The following OPRL1 variants were observed in gnomAD, a reference collection of about 807,000 sequenced individuals.
OPRL1 encodes nociceptin receptor.
In OPRL1, 5 loss-of-function variants were observed where a neutral mutation model predicts 15.5. The observed-to-expected ratio is 0.32, with a 90% CI of 0.17 to 0.68. The LOEUF (loss-of-function observed/expected upper bound fraction) is 0.68, where lower values mean the gene tolerates loss of function less well. Ranked by LOEUF, OPRL1 falls within the 30% of genes least tolerant of loss-of-function variation. The pLI, the probability that OPRL1 is intolerant of heterozygous loss-of-function variation, is 0.72. For synonymous variants in OPRL1, 223 were observed against 230.2 expected, an observed-to-expected ratio of 0.97 and a Z score of 0.28; for missense variants, 406 against 515.3, an observed-to-expected ratio of 0.79 and a Z score of 2.05.
In OPRL1 at chr20:64,098,373, C is replaced by T. The variant is rs781489806; in HGVS notation, c.687C>T (p.Leu229=). The change falls in exon 5 of 5, where the codon CTC becomes CTT. Residue 229 remains leucine (L), a synonymous_variant. Transcript: ENST00000336866. ...IFLFSFIVPV[L]VISVCYSLMI... ...TCTTCTCCTTCATCGTCCCCGTGCT[C>T]GTCATCTCTGTCTGCTACAGCCTCA... 4.0e-5 allele frequency: 65 copies of T among 1,613,758 alleles called. No homozygotes were observed. Among genetic ancestry groups the T allele is most frequent in the Non-Finnish European group, 5.1e-5 (60 of 1,180,034 alleles).
At chr20:64,084,107 T>C (rs1262915320) in intron 1 of OPRL1, 9 of 1,474,422 alleles carry the variant, frequency 6.1e-6, no homozygotes, top group Non-Finnish European at 8.0e-6. Flanking sequence ...CTTGGGGGGC[T>C]CTGTCGCGGG....
intron 3 of OPRL1, among the ~76,000 whole-genome samples, chr20:64,096,692 C>T (rs1406375419): frequency 2.0e-5 from 3 of 151,998 alleles, no homozygotes; most frequent in Non-Finnish European, 2.9e-5. Flanking sequence ...ATCGCCGCCA[C>T]CATCATCATC....
chr20:64,085,263 G>C (rs553276624), intron 1 of OPRL1: 1 of 152,368 alleles, frequency 6.6e-6, no homozygotes, highest in African/African-American at 2.4e-5. Context: ...CGGCTATGAG[G>C]AGACCTTTGT....
Position 64,092,738 on chromosome 20 carries a change from C to T in OPRL1, c.18C>T (p.Pro6=), listed in dbSNP as rs371386684. Residue 6 remains proline, a synonymous_variant, in exon 3 of 5, where the codon CCC becomes CCT. Coordinates refer to ENST00000336866, the MANE Select transcript of OPRL1 (RefSeq NM_182647.4). ...GCAGTGGCATGGAGCCCCTCTTCCCCGCGCCGTTCTGGGAGGTTATCTACG... is the reference window on the plus strand; with the variant it reads ...GCAGTGGCATGGAGCCCCTCTTCCCTGCGCCGTTCTGGGAGGTTATCTACG... MEPLF[P]APFWEVIYGS... The T allele has an allele frequency of 4.1e-5, 66 of 1,612,402 alleles. No homozygotes were observed. The highest frequency in any genetic ancestry group is 3.3e-4 in the African/African-American group (25 of 75,004).
chr20:64,088,930 AAG>A (rs2060092289), intron 1 of OPRL1, among the ~76,000 whole-genome samples: 1 of 100,026 alleles, frequency 1.0e-5, no homozygotes, highest in Non-Finnish European at 2.3e-5. Flanking sequence ...GGATCTGTGC[AAG>A]GGGTAGGATC....
chr20:64,098,010 C>G lies in OPRL1; in HGVS notation c.442C>G (p.Arg148Gly). The change falls in exon 4 of 5, where the codon CGC (arginine) becomes GGC (glycine). Residue 148 changes from arginine (R) to glycine (G), a missense_variant. Transcript: ENST00000336866. ...CACCCTAACTGCCATGAGTGTGGAT[C>G]GCTATGTAGCCATCTGCCACCCCAT... is the stretch of plus-strand genomic sequence containing the variant. ...TFTLTAMSVD[R>G]YVAICHPIRA... The G allele has an allele frequency of 6.2e-7, 1 of 1,613,606 alleles. No individual in the cohort carries two copies. Among genetic ancestry groups the G allele is most frequent in the South Asian group, 1.1e-5 (1 of 91,086 alleles).
At chr20:64,093,118 T>C (rs1158774399) in intron 3 of OPRL1, among the ~76,000 whole-genome samples, 165 bp downstream of exon 3, 1 of 151,334 alleles carries the variant, frequency 6.6e-6, no homozygotes, top group South Asian at 2.1e-4. Flanking sequence ...CCTGAGGCCC[T>C]GGGTGCTCCC....
Position 64,083,424 on chromosome 20 carries a change from C to T in OPRL1, c.-185+3072C>T, listed in dbSNP as rs138907471. ...GGGAGGCTGGGGCGCGTCGCACACTCTCAGTCGCCGTCACCGCGGGAAGAT... is the reference window on the plus strand; with the variant it reads ...GGGAGGCTGGGGCGCGTCGCACACTTTCAGTCGCCGTCACCGCGGGAAGAT... On this transcript the variant is annotated intron_variant, in intron 1 of 4. Coordinates refer to ENST00000336866, the MANE Select transcript of OPRL1 (RefSeq NM_182647.4). This position sits in a 1 kb window ranked among gnomAD's most constrained non-coding sequence, Gnocchi z 4.9. 12 of 1,611,876 alleles carry T rather than the reference C, an allele frequency of 7.4e-6. No individual in the cohort carries two copies. The highest frequency in any genetic ancestry group is 1.0e-5 in the Non-Finnish European group (12 of 1,179,620).
In OPRL1 at chr20:64,090,475, C is replaced by T. The variant is rs999954910; in HGVS notation, c.-184-1491C>T. 7.2e-5 allele frequency among the ~76,000 whole-genome samples: 11 copies of T among 152,204 alleles called. No individual in the cohort carries two copies. Among genetic ancestry groups the T allele is most frequent in the Non-Finnish European group, 1.5e-4 (10 of 68,034 alleles). On this transcript the variant is annotated intron_variant, in intron 1 of 4. Coordinates refer to ENST00000336866, the MANE Select transcript of OPRL1 (RefSeq NM_182647.4). This position sits in a 1 kb window ranked among gnomAD's most constrained non-coding sequence, Gnocchi z 4.9. ...GTTGCCTAGCAACCAGGTCCCCACT[C>T]ATGGAGAAGGTGCTCGGAGCAGGGT...
At chr20:64,087,827 G>T (rs2060065145) in intron 1 of OPRL1, among the ~76,000 whole-genome samples, 1 of 152,214 alleles carries the variant, frequency 6.6e-6, no homozygotes, top group Non-Finnish European at 1.5e-5. Flanking sequence ...CTTCTGGAGG[G>T]ACCACCCCAC....
At chr20:64,095,575 C>T (rs901171451) in intron 3 of OPRL1, among the ~76,000 whole-genome samples, 7 of 149,586 alleles carry the variant, frequency 4.7e-5, no homozygotes, top group Admixed American at 6.7e-5. Context: ...CTTGAAGGCC[C>T]GGTTGGGGGA....
At position 64,097,269 on chromosome 20, in the gene OPRL1, G is replaced by C. The variant is rs904065588; in HGVS notation, c.234-533G>C. On this transcript the variant is annotated intron_variant, in intron 3 of 4. Transcript: ENST00000336866. The surrounding 1 kb of genome is among the most constrained non-coding windows in gnomAD (Gnocchi z 4.2). ...CTCATACCTTATTAGCATCCCTCCTGTCCCCCCGTCACCATTTTCGGTCTC... is the reference window on the plus strand; with the variant it reads ...CTCATACCTTATTAGCATCCCTCCTCTCCCCCCGTCACCATTTTCGGTCTC... 1.2e-4 allele frequency among the ~76,000 whole-genome samples: 18 copies of C among 151,956 alleles called. No homozygotes were observed. Among genetic ancestry groups the C allele is most frequent in the Non-Finnish European group, 2.4e-4 (16 of 68,002 alleles).
At chr20:64,087,767 C>G (rs1007993560) in intron 1 of OPRL1, among the ~76,000 whole-genome samples, 2 of 152,256 alleles carry the variant, frequency 1.3e-5, no homozygotes, top group African/African-American at 2.4e-5. Flanking sequence ...CTCTTGCTAT[C>G]TCTTGTGTAA....
chr20:64,086,605 C>T (rs1204025767), intron 1 of OPRL1: 1 of 197,154 alleles, frequency 5.1e-6, no homozygotes, highest in East Asian at 1.9e-4. Flanking sequence ...AATTAGTAAG[C>T]TTTATTAATG....
In OPRL1 at chr20:64,083,721, A is replaced by G. The variant is rs2059999573; in HGVS notation, c.-185+3369A>G. On this transcript the variant is annotated intron_variant, in intron 1 of 4. Transcript: ENST00000336866. This position sits in a 1 kb window ranked among gnomAD's most constrained non-coding sequence, Gnocchi z 4.9. Reference sequence around the variant, plus strand: ...TCTCCTCGGCCTGCGGGGCCCGGGTAGCTGAGCGCGCGCCGAGCCCCGCCC... The same window carrying G: ...TCTCCTCGGCCTGCGGGGCCCGGGTGGCTGAGCGCGCGCCGAGCCCCGCCC... 2 of 1,361,012 alleles carry G rather than the reference A, an allele frequency of 1.5e-6. No individual in the cohort carries two copies. Among genetic ancestry groups the G allele is most frequent in the Non-Finnish European group, 1.9e-6 (2 of 1,065,322 alleles). 84.3% of individuals were successfully genotyped at this position (1,361,012 alleles called of 1,614,324 possible). A position where few individuals can be genotyped will look rare whatever the true frequency, so the allele number is the denominator to read the frequency against.
Position 64,092,810 on chromosome 20 carries a change from T to A in OPRL1, c.90T>A (p.Ser30Arg), listed in dbSNP as rs1383054763. ...TGTCCCTCCTGAGCCCCAACCACAG[T>A]CTGCTGCCCCCGCATCTGCTGCTCA... is the stretch of plus-strand genomic sequence containing the variant. ...GNLSLLSPNH[S>R]LLPPHLLLNA... is the part of the protein sequence containing the mutation. Residue 30 changes from serine (S) to arginine (R), a missense_variant, in exon 3 of 5, where the codon AGT (serine) becomes AGA (arginine). Ser to Arg is a moderately radical substitution (Grantham distance 110, BLOSUM62 -1). Transcript: ENST00000336866. 1 of 1,612,734 alleles carries A rather than the reference T, an allele frequency of 6.2e-7. No homozygotes were observed. The highest frequency in any genetic ancestry group is 1.1e-5 in the South Asian group (1 of 91,082).
In OPRL1 at chr20:64,082,817, GT is replaced by G. The variant is rs368574993; in HGVS notation, c.-185+2466del. Among the ~76,000 whole-genome samples, 683 of 145,112 alleles carry G rather than the reference GT, an allele frequency of 4.7e-3. 7 individuals carry two copies. The highest frequency in any genetic ancestry group is 0.018 in the African/African-American group (651 of 36,354). On this transcript the variant is annotated intron_variant, in intron 1 of 4. Transcript: ENST00000336866. ...GTGAGTGTGTGTGGGGTGTGTGTGT[GT>G]GGGGGGGTGGGTGTGGGGGTGTGGC...
chr20:64,093,159 C>T (rs1196160260), intron 3 of OPRL1, among the ~76,000 whole-genome samples: 4 of 151,642 alleles, frequency 2.6e-5, no homozygotes, highest in Non-Finnish European at 5.9e-5. Context: ...AGGGGGCTGG[C>T]CCTGGCCCAC....
chr20:64,083,243 C>T lies in OPRL1; in HGVS notation c.-185+2891C>T, dbSNP rs1601624348. 1 of 742,120 alleles carries T rather than the reference C, an allele frequency of 1.3e-6. No individual in the cohort carries two copies. The highest frequency in any genetic ancestry group is 2.8e-5 in the Admixed American group (1 of 35,548). 46.0% of individuals were successfully genotyped at this position (742,120 alleles called of 1,614,324 possible). On this transcript the variant is annotated intron_variant, in intron 1 of 4. Transcript: ENST00000336866. The surrounding 1 kb of genome is among the most constrained non-coding windows in gnomAD (Gnocchi z 4.9). ...TGTTACTTTCACACCCACCCACTTG[C>T]GTCTCCCCACTTTTTTGGGAGAGGC... is the stretch of plus-strand genomic sequence containing the variant.
Sources: allele counts gnomAD v4.1 joint callset (sites outside exome capture counted in the v4.1 genomes callset), GRCh38; gene constraint gnomAD v4.1.1; non-coding constraint Gnocchi (gnomAD v3.1); transcripts MANE v1.5; gene names NCBI Gene and HGNC (gene_info 2026-07-23, HGNC 2026-07-21).